AP3B1: variants seen among roughly 807,000 people sequenced by gnomAD.
The protein encoded by AP3B1 is AP-3 complex subunit beta-1.
In AP3B1, 61 loss-of-function variants were observed where a neutral mutation model predicts 132.5. That is an observed-to-expected ratio of 0.46 (90% CI 0.37 to 0.57). AP3B1 has a LOEUF of 0.57. Ranked by LOEUF, AP3B1 falls within the 20% of genes least tolerant of loss-of-function variation. AP3B1 has a pLI of 0.00. For missense variants in AP3B1, 1,120 were observed against 1,289.4 expected (o/e 0.87, Z 2.01); for synonymous variants, 388 against 438.3 (o/e 0.89, Z 1.43).
chr5:78,243,874 A>G (rs566057921), intron 2 of AP3B1, among the ~76,000 whole-genome samples: 1 of 152,244 alleles, frequency 6.6e-6, no homozygotes, highest in Non-Finnish European at 1.5e-5. Context: ...TGAGTGAAGC[A>G]GGAGACCAAT....
intron 8 of AP3B1, among the ~76,000 whole-genome samples, 185 bp downstream of exon 8, chr5:78,181,321 CA>C (rs1179333504): frequency 6.6e-6 from 1 of 152,114 alleles, no homozygotes; most frequent in African/African-American, 2.4e-5. Context: ...ACTTCTCAGA[CA>C]TTAGGTCTCT....
chr5:78,271,525 G>C (rs745501179), intron 1 of AP3B1, among the ~76,000 whole-genome samples: 16 of 152,116 alleles, frequency 1.1e-4, no homozygotes, highest in African/African-American at 1.9e-4. Flanking sequence ...AAAGAAAAAA[G>C]CCTACAGACC....
chr5:78,113,680 T>A (rs1751693433), intron 19 of AP3B1, 72 bp downstream of exon 19: 13 of 1,553,476 alleles, frequency 8.4e-6, no homozygotes, highest in Non-Finnish European at 1.1e-5. Context: ...TTTTGATTAA[T>A]AAGAAACATC....
chr5:78,050,560 TG>T (rs1748539068), intron 22 of AP3B1, among the ~76,000 whole-genome samples: 1 of 151,314 alleles, frequency 6.6e-6, no homozygotes, highest in Non-Finnish European at 1.5e-5. Flanking sequence ...TAATATTTGT[TG>T]GTTTTATGAT....
intron 1 of AP3B1, among the ~76,000 whole-genome samples, chr5:78,277,909 C>G (rs577943104): frequency 2.4e-4 from 35 of 148,328 alleles, no homozygotes; most frequent in Non-Finnish European, 4.4e-4. Flanking sequence ...TGATGTCATA[C>G]AGACATCACA....
chr5:78,266,329 A>C (rs1284592746), intron 2 of AP3B1, among the ~76,000 whole-genome samples: 1 of 152,184 alleles, frequency 6.6e-6, no homozygotes, highest in Non-Finnish European at 1.5e-5. Context: ...CAAATCAAAA[A>C]TTTACAATGG....
At chr5:78,187,896 T>C (rs1383807564) in intron 7 of AP3B1, among the ~76,000 whole-genome samples, 1 of 152,024 alleles carries the variant, frequency 6.6e-6, no homozygotes, top group Non-Finnish European at 1.5e-5. Flanking sequence ...CATAGACCAA[T>C]GGAACAGAAT....
intron 19 of AP3B1, among the ~76,000 whole-genome samples, chr5:78,113,096 G>A (rs954228758): frequency 2.0e-5 from 3 of 152,200 alleles, no homozygotes; most frequent in African/African-American, 7.2e-5. Flanking sequence ...AGCCACGACT[G>A]AGCCGGGCTG....
chr5:78,239,183 G>C (rs1747006749), intron 3 of AP3B1, among the ~76,000 whole-genome samples: 1 of 151,944 alleles, frequency 6.6e-6, no homozygotes, highest in South Asian at 2.1e-4. Flanking sequence ...AAACATTCCA[G>C]AATCAGCCCA....
intron 21 of AP3B1, among the ~76,000 whole-genome samples, chr5:78,096,952 C>A (rs1437107458): frequency 1.4e-5 from 2 of 146,340 alleles, no homozygotes; most frequent in Non-Finnish European, 3.0e-5. Flanking sequence ...TGCCCAGCCG[C>A]CCCTACTGGG....
In AP3B1 at chr5:78,138,166, C is replaced by A. The variant is rs556412393; in HGVS notation, c.1650+2977G>T. ...CAAGTTGATAGTGCTTAAAACCATTCTTTAAAACTAATTTTCAGGCTGGGT... is the reference window on the plus strand; with the variant it reads ...CAAGTTGATAGTGCTTAAAACCATTATTTAAAACTAATTTTCAGGCTGGGT... On this transcript the variant is annotated intron_variant, in intron 15 of 26. Coordinates refer to ENST00000255194, the MANE Select transcript of AP3B1 (RefSeq NM_003664.5). Among the ~76,000 whole-genome samples, 3 of 152,246 alleles carry A rather than the reference C, an allele frequency of 2.0e-5. No individual in the cohort carries two copies. In the East Asian group the frequency reaches 5.8e-4, roughly 29 times the overall value.
intron 6 of AP3B1, among the ~76,000 whole-genome samples, chr5:78,220,871 A>AC (rs1369083830): frequency 6.6e-6 from 1 of 152,100 alleles, no homozygotes. Flanking sequence ...ACACAGTGGG[A>AC]CCCCATCTTT....
intron 26 of AP3B1, among the ~76,000 whole-genome samples, chr5:78,014,372 T>C (rs1022619193): frequency 1.4e-4 from 22 of 152,184 alleles, no homozygotes; most frequent in African/African-American, 5.3e-4. Flanking sequence ...ATCACAGAAT[T>C]TCATTTCAAT....
chr5:78,144,527 C>G (rs1230548966), intron 14 of AP3B1, among the ~76,000 whole-genome samples: 1 of 152,156 alleles, frequency 6.6e-6, no homozygotes, highest in Non-Finnish European at 1.5e-5. Flanking sequence ...AAGGCAAAAT[C>G]AGTAGACATC....
At chr5:78,272,816 CTA>C (rs1270244270) in intron 1 of AP3B1, among the ~76,000 whole-genome samples, 4 of 152,022 alleles carry the variant, frequency 2.6e-5, no homozygotes, top group Non-Finnish European at 5.9e-5. Flanking sequence ...TCAAATAACT[CTA>C]AAAGTTTTTG....
chr5:78,097,059 GT>G (rs1480905517), intron 21 of AP3B1, among the ~76,000 whole-genome samples: 44 of 122,110 alleles, frequency 3.6e-4, no homozygotes, highest in Admixed American at 1.0e-3. Context: ...CGGGAGGGAG[GT>G]TGGGGGGTCA....
At chr5:78,223,603 T>C (rs1357521829) in intron 6 of AP3B1, among the ~76,000 whole-genome samples, 1 of 152,224 alleles carries the variant, frequency 6.6e-6, no homozygotes, top group East Asian at 1.9e-4. Flanking sequence ...TACACAGATA[T>C]TGTATCTTTA....
intron 15 of AP3B1, among the ~76,000 whole-genome samples, chr5:78,131,615 T>G (rs927701735): frequency 8.6e-5 from 13 of 151,974 alleles, no homozygotes; most frequent in African/African-American, 1.2e-4. Flanking sequence ...CAAAACCAAC[T>G]GCCTTCTCAA....
At chr5:78,204,853 C>T (rs1745440804) in intron 7 of AP3B1, among the ~76,000 whole-genome samples, 1 of 152,178 alleles carries the variant, frequency 6.6e-6, no homozygotes, top group African/African-American at 2.4e-5. Flanking sequence ...TTTCAGGCCC[C>T]ATTTTCTTAA....
Sources: gnomAD v4.1 joint callset for allele counts (sites outside exome capture counted in the v4.1 genomes callset) on GRCh38, gnomAD v4.1.1 for gene constraint, MANE v1.5 for transcripts, NCBI Gene and HGNC (gene_info 2026-07-23, HGNC 2026-07-21) for gene names.